DENND1A: variants seen among roughly 807,000 people sequenced by gnomAD.
The protein encoded by DENND1A is DENN domain containing 1A.
A neutral mutation model predicts 113.7 loss-of-function variants in DENND1A; 51 were observed. The ratio of observed to expected loss-of-function variants is 0.45; its 90% confidence interval spans 0.36 to 0.57. DENND1A has a LOEUF of 0.57. Among genes scored for constraint, DENND1A ranks in the 20% least tolerant of loss-of-function variants. The pLI is 0.00. For synonymous variants in DENND1A, 565 were observed against 570.8 expected (o/e 0.99, Z 0.14); for missense variants, 1,258 against 1,395.9 (o/e 0.90, Z 1.57).
chr9:123,698,273 A>G (rs555708689), intron 5 of DENND1A, among the ~76,000 whole-genome samples: 7 of 152,322 alleles, frequency 4.6e-5, no homozygotes, highest in African/African-American at 1.4e-4. Context: ...ATTCCAAGTA[A>G]TTAGAAAACC....
chr9:123,380,491 C>T lies in DENND1A; in HGVS notation c.*941G>A, dbSNP rs902554956. ...GCTCAGGGCCACTGCCTCGTTCCAACCCAGGAAGGCCAGCTGCCTTCCACA... is the reference window on the plus strand; with the variant it reads ...GCTCAGGGCCACTGCCTCGTTCCAATCCAGGAAGGCCAGCTGCCTTCCACA... On this transcript the variant is annotated 3_prime_UTR_variant, in exon 24 of 24. Coordinates refer to ENST00000394215, the MANE Select transcript of DENND1A (RefSeq NM_001352964.2). The T allele has an allele frequency of 6.6e-6, 1 of 152,460 alleles. No individual in the cohort carries two copies. Among genetic ancestry groups the T allele is most frequent in the Non-Finnish European group, 1.5e-5 (1 of 68,054 alleles). 9.4% of individuals were successfully genotyped at this position (152,460 alleles called of 1,614,324 possible).
At chr9:123,769,708 T>A (rs1464441420) in intron 3 of DENND1A, 145 bp from the exon 4 acceptor site, 1 of 545,394 alleles carries the variant, frequency 1.8e-6, no homozygotes, top group East Asian at 3.0e-5. Context: ...ATGGGAGGAG[T>A]ACCAGGCAGT....
rs554563456 is a variant in DENND1A, at chr9:123,833,622, T to C, written c.89-40992A>G. 2.0e-5 allele frequency among the ~76,000 whole-genome samples: 3 copies of C among 152,332 alleles called. No homozygotes were observed. The East Asian group carries it at 5.8e-4, about 29-fold the overall frequency. On this transcript the variant is annotated intron_variant, in intron 2 of 23. Coordinates refer to ENST00000394215, the MANE Select transcript of DENND1A (RefSeq NM_001352964.2). Reference sequence around the variant, plus strand: ...GTAAATAGTCCTGAATGTGCCTCCATGTTTGATGTAATTATTTAACTGGGA... The same window carrying C: ...GTAAATAGTCCTGAATGTGCCTCCACGTTTGATGTAATTATTTAACTGGGA...
intron 2 of DENND1A, among the ~76,000 whole-genome samples, chr9:123,833,195 G>C (rs1348415116): frequency 6.6e-6 from 1 of 150,634 alleles, no homozygotes; most frequent in Admixed American, 6.6e-5. Context: ...CTCTAATTGA[G>C]GGAATGGTGT....
At chr9:123,521,699 A>G (rs185465323) in intron 13 of DENND1A, among the ~76,000 whole-genome samples, 191 of 152,316 alleles carry the variant, frequency 1.3e-3, no homozygotes, top group Admixed American at 3.1e-3. Context: ...GTGTGGCCCA[A>G]TGAAAAGAAC....
intron 1 of DENND1A, among the ~76,000 whole-genome samples, chr9:123,908,773 T>C (rs1030663870): frequency 6.6e-6 from 1 of 152,132 alleles, no homozygotes; most frequent in African/African-American, 2.4e-5. Context: ...GTTCAACCAT[T>C]GTGGAAGTCA....
At position 123,557,584 on chromosome 9, in the gene DENND1A, G is replaced by A. The variant is rs768539708; in HGVS notation, c.979C>T (p.Leu327=). Residue 327 remains leucine (L), a synonymous_variant, in exon 13 of 24, where the codon CTG becomes TTG. Transcript: ENST00000394215. ...AAFFGSYRNA[L]KIEPEEPITF... ...AGGCTACTCACCGGCTCGATTTTCAGAGCGTTTCGGTAGCTACCGAAGAAA... is the reference window on the plus strand; with the variant it reads ...AGGCTACTCACCGGCTCGATTTTCAAAGCGTTTCGGTAGCTACCGAAGAAA... 2.5e-6 allele frequency: 4 copies of A among 1,613,832 alleles called. No individual in the cohort carries two copies. In the South Asian group the frequency reaches 4.4e-5, roughly 18 times the overall value.
chr9:123,507,368 T>C (rs1322653391), intron 13 of DENND1A, among the ~76,000 whole-genome samples: 2 of 152,210 alleles, frequency 1.3e-5, no homozygotes, highest in African/African-American at 2.4e-5. Flanking sequence ...AGTCATCTGA[T>C]GTAGTAAATG....
At chr9:123,435,856 T>C (rs2046475947) in intron 19 of DENND1A, among the ~76,000 whole-genome samples, 1 of 152,214 alleles carries the variant, frequency 6.6e-6, no homozygotes, top group Non-Finnish European at 1.5e-5. Flanking sequence ...GCCGTTCCAG[T>C]GTGCCTCCTC....
chr9:123,568,048 C>T (rs1041716048), intron 12 of DENND1A, among the ~76,000 whole-genome samples: 1 of 152,190 alleles, frequency 6.6e-6, no homozygotes, highest in Non-Finnish European at 1.5e-5. Flanking sequence ...CAAATGCCAA[C>T]CAAACTTCAG....
intron 13 of DENND1A, among the ~76,000 whole-genome samples, chr9:123,459,312 C>T (rs1419638644): frequency 1.3e-5 from 2 of 152,228 alleles, no homozygotes; most frequent in East Asian, 3.8e-4. Flanking sequence ...CCCCCAACAT[C>T]CCAGGCATCT....
chr9:123,407,836 A>G (rs761854010), intron 20 of DENND1A, among the ~76,000 whole-genome samples: 1 of 152,184 alleles, frequency 6.6e-6, no homozygotes, highest in Non-Finnish European at 1.5e-5. Context: ...AAAAGCACTG[A>G]GTACATTTGA....
chr9:123,398,764 C>T (rs1030265431), intron 21 of DENND1A, among the ~76,000 whole-genome samples: 3 of 151,438 alleles, frequency 2.0e-5, no homozygotes, highest in East Asian at 2.0e-4. Flanking sequence ...GGCCTCGCAG[C>T]TGTGCGCACC....
chr9:123,824,624 A>G (rs1839015449), intron 2 of DENND1A, among the ~76,000 whole-genome samples: 1 of 152,122 alleles, frequency 6.6e-6, no homozygotes, highest in Non-Finnish European at 1.5e-5. Flanking sequence ...CAAAATAGCT[A>G]TTTTTCCAAA....
rs538497844 is a variant in DENND1A at position 123,671,074 on chromosome 9, G to A, written c.453+217C>T. On this transcript the variant is annotated intron_variant, in intron 7 of 23. Transcript: ENST00000394215. Reference sequence around the variant, plus strand: ...TGATGGGATGATGGCCACAGAGGAGGGTGGGGACATTCAGGACATGTCTGT... The same window carrying A: ...TGATGGGATGATGGCCACAGAGGAGAGTGGGGACATTCAGGACATGTCTGT... Among the ~76,000 whole-genome samples the A allele has an allele frequency of 2.6e-5, 4 of 152,266 alleles. No homozygotes were observed. The East Asian group carries it at 7.7e-4, about 29-fold the overall frequency.
chr9:123,422,464 A>G lies in DENND1A; in HGVS notation c.1489-10635T>C, dbSNP rs1294204796. 6.6e-6 allele frequency among the ~76,000 whole-genome samples: 1 copy of G among 151,944 alleles called. No homozygotes were observed. Among genetic ancestry groups the G allele is most frequent in the African/African-American group, 2.4e-5 (1 of 41,364 alleles). On this transcript the variant is annotated intron_variant, in intron 19 of 23. Transcript: ENST00000394215. The surrounding 1 kb of genome is among the most constrained non-coding windows in gnomAD (Gnocchi z 4.8). ...ATATGAAATATCCCAAAATTTCCCT[A>G]GTGTGTCTGTTAAAGAAAGATAGTC...
At chr9:123,515,034 G>C (rs1293093653) in intron 13 of DENND1A, among the ~76,000 whole-genome samples, 1 of 152,178 alleles carries the variant, frequency 6.6e-6, no homozygotes, top group Admixed American at 6.5e-5. Context: ...AAGACAACTG[G>C]TCTGGACTCT....
intron 13 of DENND1A, among the ~76,000 whole-genome samples, chr9:123,536,880 C>T (rs927468252): frequency 1.3e-5 from 2 of 152,204 alleles, no homozygotes. Context: ...GCTGTTAACT[C>T]AGTGAAGTTA....
chr9:123,902,805 GTT>G lies in DENND1A; in HGVS notation c.18-23786_18-23785del, dbSNP rs35366223. ...GAGAACAAGACAAGTAACAACAGCTGTTTTTTTTTTTTTTAAAAAGGCCAATG... is the reference window on the plus strand; with the variant it reads ...GAGAACAAGACAAGTAACAACAGCTGTTTTTTTTTTTTAAAAAGGCCAATG... On this transcript the variant is annotated intron_variant, in intron 1 of 23. Coordinates refer to ENST00000394215, the MANE Select transcript of DENND1A (RefSeq NM_001352964.2). 8.6e-3 allele frequency among the ~76,000 whole-genome samples: 1,194 copies of G among 138,438 alleles called. 6 individuals are homozygous for G. Among genetic ancestry groups the G allele is most frequent in the Middle Eastern group, 0.038 (10 of 260 alleles). The allele number at this position is 138,438 out of a possible 152,430, so 90.8% of individuals were successfully genotyped here.
Sources: allele counts gnomAD v4.1 joint callset (sites outside exome capture counted in the v4.1 genomes callset), GRCh38; gene constraint gnomAD v4.1.1; non-coding constraint Gnocchi (gnomAD v3.1); transcripts MANE v1.5; gene names NCBI Gene and HGNC (gene_info 2026-07-23, HGNC 2026-07-21).